The following PCDHGA6 variants were observed in gnomAD, a reference collection of about 807,000 sequenced individuals.
PCDHGA6 encodes the protein protocadherin gamma-A6.
PCDHGA6 carries 41 observed loss-of-function variants against 60.6 expected under a neutral mutation model. The ratio of observed to expected loss-of-function variants is 0.68; its 90% confidence interval spans 0.53 to 0.88. The LOEUF is 0.88. PCDHGA6 is among the 40% of genes least tolerant of loss of function. The probability of loss-of-function intolerance (pLI) is 0.00; values close to 1 mark genes in which losing one functional copy is unlikely to be tolerated. For synonymous variants in PCDHGA6, 594 were observed against 524.4 expected (o/e 1.13, Z -1.81); for missense variants, 1,312 against 1,203.0 (o/e 1.09, Z -1.34).
intron 2 of PCDHGA6, among the ~76,000 whole-genome samples, chr5:141,498,091 C>G (rs2099781521): frequency 6.6e-6 from 1 of 152,156 alleles, no homozygotes; most frequent in African/African-American, 2.4e-5. Context: ...AGAATTGTAT[C>G]TGGTGGTGTG....
At chr5:141,478,483 G>A in intron 1 of PCDHGA6, 13 of 1,613,548 alleles carry the variant, frequency 8.1e-6, no homozygotes, top group Non-Finnish European at 1.1e-5. Flanking sequence ...AGAACACGCT[G>A]CGGAGCTGTG....
At chr5:141,445,357 G>A (rs115045385) in intron 1 of PCDHGA6, among the ~76,000 whole-genome samples, 18 of 152,258 alleles carry the variant, frequency 1.2e-4, no homozygotes, top group Admixed American at 1.1e-3. Context: ...GTCTGCCCAA[G>A]TCTGGTCCTG....
At chr5:141,500,473 T>C (rs911171031) in intron 2 of PCDHGA6, among the ~76,000 whole-genome samples, 10 of 152,132 alleles carry the variant, frequency 6.6e-5, no homozygotes, top group Admixed American at 4.6e-4. Flanking sequence ...CCTCCCAAAG[T>C]GCTGGGATTA....
chr5:141,432,305 G>T lies in PCDHGA6; in HGVS notation c.2424+55798G>T. 1 of 1,614,254 alleles carries T rather than the reference G, an allele frequency of 6.2e-7. No individual in the cohort carries two copies. Among genetic ancestry groups the T allele is most frequent in the African/African-American group, 1.3e-5 (1 of 75,072 alleles). ...CAACTCCGACACTGGGGTACTGTAT[G>T]CGCTGAGCTCCTTCGACTACGAGCA... On this transcript the variant is annotated intron_variant, in intron 1 of 3. Transcript: ENST00000517434. This position sits in a 1 kb window ranked among gnomAD's most constrained non-coding sequence, Gnocchi z 6.0.
intron 1 of PCDHGA6, among the ~76,000 whole-genome samples, chr5:141,406,833 A>G (rs776807611): frequency 3.9e-5 from 6 of 152,238 alleles, no homozygotes; most frequent in Non-Finnish European, 4.4e-5. Flanking sequence ...ATGAACTTGC[A>G]TATCAGATAT....
chr5:141,420,401 A>G, intron 1 of PCDHGA6: 1 of 1,249,172 alleles, frequency 8.0e-7, no homozygotes. Flanking sequence ...GGTCAAATTT[A>G]TGGTTATCAT....
chr5:141,491,898 G>A lies in PCDHGA6; in HGVS notation c.2425-2909G>A, dbSNP rs772673872. 1.6e-5 allele frequency: 23 copies of A among 1,428,816 alleles called. No homozygotes were observed. The highest frequency in any genetic ancestry group is 3.0e-5 in the South Asian group (2 of 66,966). The allele number at this position is 1,428,816 out of a possible 1,614,324, so 88.5% of individuals were successfully genotyped here. A position where few individuals can be genotyped will look rare whatever the true frequency, so the allele number is the denominator to read the frequency against. ...ATTAAGGGATGGGGCTCCGAGCACC[G>A]GGGGTGGTGGCGACTGTGGGCGAGG... On this transcript the variant is annotated intron_variant, in intron 1 of 3. Coordinates refer to ENST00000517434, the MANE Select transcript of PCDHGA6 (RefSeq NM_018919.3). This position sits in a 1 kb window ranked among gnomAD's most constrained non-coding sequence, Gnocchi z 6.9.
In PCDHGA6 at chr5:141,431,048, A is replaced by G; in HGVS notation, c.2424+54541A>G. The G allele has an allele frequency of 6.2e-7, 1 of 1,614,180 alleles. No homozygotes were observed. Among genetic ancestry groups the G allele is most frequent in the Non-Finnish European group, 8.5e-7 (1 of 1,180,018 alleles). The stretch of plus-strand genomic sequence containing the variant: ...CAGGATAGACCGGGAGGAGCTCTGT[A>G]TGGGGGCCATCAAGTGTCAATTAAA... On this transcript the variant is annotated intron_variant, in intron 1 of 3. Coordinates refer to ENST00000517434, the MANE Select transcript of PCDHGA6 (RefSeq NM_018919.3). This position sits in a 1 kb window ranked among gnomAD's most constrained non-coding sequence, Gnocchi z 4.8.
chr5:141,419,943 C>G (rs2096450865), intron 1 of PCDHGA6: 4 of 1,614,070 alleles, frequency 2.5e-6, no homozygotes, highest in Non-Finnish European at 3.4e-6. Flanking sequence ...CTGGTGGTGG[C>G]CTTGGCCTTG....
chr5:141,394,855 C>T (rs1201168639), intron 1 of PCDHGA6: 2 of 1,613,778 alleles, frequency 1.2e-6, no homozygotes, highest in African/African-American at 1.3e-5. Context: ...CTGAAGCCTT[C>T]GGTCGACCCG....
intron 1 of PCDHGA6, among the ~76,000 whole-genome samples, chr5:141,444,150 GGATT>G (rs2098419499): frequency 1.8e-5 from 2 of 114,014 alleles, no homozygotes; most frequent in Non-Finnish European, 1.7e-5. Flanking sequence ...TGTGTGTACT[GGATT>G]TTTTTTTTTT....
intron 1 of PCDHGA6, among the ~76,000 whole-genome samples, chr5:141,450,829 ATTT>A (rs373424450): frequency 7.4e-6 from 1 of 135,126 alleles, no homozygotes; most frequent in African/African-American, 2.7e-5. Flanking sequence ...TATTATTATT[ATTT>A]TTTTTTTTTT....
intron 1 of PCDHGA6, chr5:141,404,204 T>A: frequency 6.2e-7 from 1 of 1,613,718 alleles, no homozygotes; most frequent in Non-Finnish European, 8.5e-7. Context: ...AGCCTCAGAA[T>A]ATAATATCAC....
At chr5:141,446,401 T>C (rs1321106896) in intron 1 of PCDHGA6, among the ~76,000 whole-genome samples, 1 of 152,166 alleles carries the variant, frequency 6.6e-6, no homozygotes, top group African/African-American at 2.4e-5. Context: ...AGAAATCGAG[T>C]TGAGTTCCAG....
chr5:141,485,805 T>C lies in PCDHGA6; in HGVS notation c.2425-9002T>C, dbSNP rs753916789. ...GAGAAGCAATCGGACTACCGCCTGG[T>C]GCTGACTGCTGTCGATGGAGGGAAC... On this transcript the variant is annotated intron_variant, in intron 1 of 3. Coordinates refer to ENST00000517434, the MANE Select transcript of PCDHGA6 (RefSeq NM_018919.3). The surrounding 1 kb of genome is among the most constrained non-coding windows in gnomAD (Gnocchi z 5.7). 1.2e-6 allele frequency: 2 copies of C among 1,614,198 alleles called. No individual in the cohort carries two copies. The highest frequency in any genetic ancestry group is 1.7e-6 in the Non-Finnish European group (2 of 1,180,026).
chr5:141,389,457 G>A, intron 1 of PCDHGA6: 1 of 1,613,220 alleles, frequency 6.2e-7, no homozygotes, highest in Non-Finnish European at 8.5e-7. Context: ...GCAGCTGCGC[G>A]CCTTCGAACT....
chr5:141,432,300 T>G lies in PCDHGA6; in HGVS notation c.2424+55793T>G, dbSNP rs1280788604. ...TCCATCAACTCCGACACTGGGGTACTGTATGCGCTGAGCTCCTTCGACTAC... is the reference window on the plus strand; with the variant it reads ...TCCATCAACTCCGACACTGGGGTACGGTATGCGCTGAGCTCCTTCGACTAC... On this transcript the variant is annotated intron_variant, in intron 1 of 3. Transcript: ENST00000517434. The surrounding 1 kb of genome is among the most constrained non-coding windows in gnomAD (Gnocchi z 6.0). 1.9e-6 allele frequency: 3 copies of G among 1,614,158 alleles called. No homozygotes were observed. The highest frequency in any genetic ancestry group is 2.5e-6 in the Non-Finnish European group (3 of 1,180,056).
chr5:141,434,724 C>T (rs2097712360), intron 1 of PCDHGA6, among the ~76,000 whole-genome samples: 2 of 151,800 alleles, frequency 1.3e-5, no homozygotes, highest in Admixed American at 1.3e-4. Flanking sequence ...GTTCAGGGCT[C>T]TCAGCTCTGA....
rs2097549501 is a variant in PCDHGA6 at position 141,432,920 on chromosome 5, A to T, written c.2424+56413A>T. ...GGCGCTCAGGCTGCGGCGCTGGCAC[A>T]AGTCACGCCTGCTGCAGGCTTCAGG... On this transcript the variant is annotated intron_variant, in intron 1 of 3. Transcript: ENST00000517434. The surrounding 1 kb of genome is among the most constrained non-coding windows in gnomAD (Gnocchi z 6.0). 1 of 1,614,022 alleles carries T rather than the reference A, an allele frequency of 6.2e-7. No homozygotes were observed.
Sources: allele counts gnomAD v4.1 joint callset (sites outside exome capture counted in the v4.1 genomes callset), GRCh38; gene constraint gnomAD v4.1.1; non-coding constraint Gnocchi (gnomAD v3.1); transcripts MANE v1.5; gene names NCBI Gene and HGNC (gene_info 2026-07-23, HGNC 2026-07-21).